Variants in TWSG1 observed in about 807,000 individuals in gnomAD.
TWSG1 encodes the protein twisted gastrulation protein homolog 1.
In TWSG1, 15 loss-of-function variants were observed where a neutral mutation model predicts 23.0. That is an observed-to-expected ratio of 0.65 (90% CI 0.44 to 1.00). The LOEUF (loss-of-function observed/expected upper bound fraction) is 1.00, where lower values mean the gene tolerates loss of function less well. Ranked by LOEUF, TWSG1 falls within the 50% of genes least tolerant of loss-of-function variation. The pLI, the probability that TWSG1 is intolerant of heterozygous loss-of-function variation, is 0.00. For missense variants in TWSG1, 242 were observed against 278.7 expected (o/e 0.87, Z 0.94); for synonymous variants, 86 against 92.8 (o/e 0.93, Z 0.42).
intron 3 of TWSG1, among the ~76,000 whole-genome samples, chr18:9,368,589 G>A (rs1209112532): frequency 6.6e-6 from 1 of 151,770 alleles, no homozygotes; most frequent in Non-Finnish European, 1.5e-5. Flanking sequence ...GAGGCAGGTA[G>A]ATCATTTGAG....
At chr18:9,355,079 C>T (rs1598823855) in intron 2 of TWSG1, among the ~76,000 whole-genome samples, 1 of 152,212 alleles carries the variant, frequency 6.6e-6, no homozygotes, top group East Asian at 1.9e-4. Context: ...CCTCAGCCTC[C>T]TGAGTAGCTG....
chr18:9,375,101 A>G lies in TWSG1; in HGVS notation c.223+15030A>G, dbSNP rs571929082. Among the ~76,000 whole-genome samples the G allele has an allele frequency of 1.2e-3, 174 of 146,518 alleles. 2 individuals are homozygous for G. The highest frequency in any genetic ancestry group is 4.2e-3 in the African/African-American group (167 of 39,906). On this transcript the variant is annotated intron_variant, in intron 3 of 4. Transcript: ENST00000262120. ...AGAATGGTGTGAACCCGGGAGGCAGAGCTTGCGGTGAGCCAAGATTGTGCC... is the reference window on the plus strand; with the variant it reads ...AGAATGGTGTGAACCCGGGAGGCAGGGCTTGCGGTGAGCCAAGATTGTGCC...
intron 3 of TWSG1, among the ~76,000 whole-genome samples, chr18:9,370,933 TAAG>T (rs2040602161): frequency 6.6e-6 from 1 of 152,144 alleles, no homozygotes; most frequent in Non-Finnish European, 1.5e-5. Context: ...TTTTTTAAGT[TAAG>T]GAGATTTTTC....
intron 1 of TWSG1, among the ~76,000 whole-genome samples, chr18:9,336,452 A>G (rs776487402): frequency 2.0e-5 from 3 of 151,848 alleles, no homozygotes; most frequent in Non-Finnish European, 4.4e-5. Flanking sequence ...TTTTTAATGC[A>G]ATTAGTAATT....
chr18:9,382,895 C>A (rs12959183), intron 3 of TWSG1, among the ~76,000 whole-genome samples: 7 of 151,136 alleles, frequency 4.6e-5, no homozygotes, highest in Admixed American at 1.3e-4. Context: ...TAACAAGAGG[C>A]TCTCCCCAAC....
At chr18:9,343,014 C>G (rs527332365) in intron 2 of TWSG1, among the ~76,000 whole-genome samples, 1 of 152,144 alleles carries the variant, frequency 6.6e-6, no homozygotes, top group South Asian at 2.1e-4. Context: ...TGATGCCAGT[C>G]TGTTTCTTAT....
Position 9,359,974 on chromosome 18 carries a change from G to A in TWSG1, c.126G>A (p.Glu42=), listed in dbSNP as rs779095460. Residue 42 remains glutamate (E), a splice_region_variant and synonymous_variant, in exon 3 of 5, where the codon GAG becomes GAA. Coordinates refer to ENST00000262120, the MANE Select transcript of TWSG1 (RefSeq NM_020648.6). Reference sequence around the variant, plus strand: ...TTTAACATCTGTCTTGTTTCTAGGAGCTCTGCCAGTGCCGGCCGGGAGAAG... The same window carrying A: ...TTTAACATCTGTCTTGTTTCTAGGAACTCTGCCAGTGCCGGCCGGGAGAAG... ...ASDVSKCLIQ[E]LCQCRPGEGN... 1.2e-6 allele frequency: 2 copies of A among 1,612,932 alleles called. No homozygotes were observed.
At chr18:9,349,199 C>T (rs1209152213) in intron 2 of TWSG1, among the ~76,000 whole-genome samples, 1 of 152,108 alleles carries the variant, frequency 6.6e-6, no homozygotes, top group Non-Finnish European at 1.5e-5. Flanking sequence ...TTACTACTTT[C>T]CCCTGCTGCT....
At chr18:9,377,233 T>G (rs79717225) in intron 3 of TWSG1, among the ~76,000 whole-genome samples, 43,854 of 151,110 alleles carry the variant, frequency 0.29, 6,614 homozygotes, top group Middle Eastern at 0.4. Flanking sequence ...TTTTTTTTTT[T>G]GGGGGGACAG....
chr18:9,356,829 T>C (rs1424817687), intron 2 of TWSG1, among the ~76,000 whole-genome samples: 2 of 152,048 alleles, frequency 1.3e-5, no homozygotes, highest in African/African-American at 4.8e-5. Context: ...CAAAACACTT[T>C]TGGTACCCAG....
At chr18:9,379,147 T>G (rs1169260084) in intron 3 of TWSG1, among the ~76,000 whole-genome samples, 4 of 152,182 alleles carry the variant, frequency 2.6e-5, no homozygotes, top group African/African-American at 9.7e-5. Context: ...AGAACTACCA[T>G]TTGACCCAGC....
chr18:9,358,343 T>C (rs985499227), intron 2 of TWSG1, among the ~76,000 whole-genome samples: 2 of 152,162 alleles, frequency 1.3e-5, no homozygotes, highest in African/African-American at 4.8e-5. Flanking sequence ...AGATTGACAA[T>C]TATCTGTGTC....
chr18:9,373,883 A>T (rs2040617159), intron 3 of TWSG1, among the ~76,000 whole-genome samples: 1 of 152,232 alleles, frequency 6.6e-6, no homozygotes, highest in African/African-American at 2.4e-5. Flanking sequence ...GGAATTAAAT[A>T]AAAAATCAAT....
At chr18:9,339,418 C>A (rs969221000) in intron 2 of TWSG1, among the ~76,000 whole-genome samples, 1 of 152,090 alleles carries the variant, frequency 6.6e-6, no homozygotes, top group Non-Finnish European at 1.5e-5. Flanking sequence ...GTAGCTGGGA[C>A]TACAGGCACG....
At chr18:9,346,349 C>T (rs908410549) in intron 2 of TWSG1, among the ~76,000 whole-genome samples, 1 of 152,096 alleles carries the variant, frequency 6.6e-6, no homozygotes. Flanking sequence ...CTTATTATTA[C>T]CTAATAATAT....
At chr18:9,353,440 T>C (rs2040510938) in intron 2 of TWSG1, among the ~76,000 whole-genome samples, 1 of 152,242 alleles carries the variant, frequency 6.6e-6, no homozygotes, top group Non-Finnish European at 1.5e-5. Flanking sequence ...TCATTTCATA[T>C]AAGCTTTGAA....
At chr18:9,346,248 G>A (rs1034729142) in intron 2 of TWSG1, among the ~76,000 whole-genome samples, 1 of 152,072 alleles carries the variant, frequency 6.6e-6, no homozygotes, top group African/African-American at 2.4e-5. Flanking sequence ...ACAGAATGTA[G>A]CCTTTTAAAA....
Position 9,401,032 on chromosome 18 carries a change from A to G in TWSG1, c.*1505A>G, listed in dbSNP as rs572768830. On this transcript the variant is annotated 3_prime_UTR_variant, in exon 5 of 5. Transcript: ENST00000262120. ...TCATGATCTGAATAGTAGTTAGTTAAAAGATCATTTGTAATATTATGATCA... is the reference window on the plus strand; with the variant it reads ...TCATGATCTGAATAGTAGTTAGTTAGAAGATCATTTGTAATATTATGATCA... 160 of 152,346 alleles carry G rather than the reference A, an allele frequency of 1.1e-3. 1 individual carries two copies. The highest frequency in any genetic ancestry group is 3.7e-3 in the African/African-American group (153 of 41,582). 9.4% of individuals were successfully genotyped at this position (152,346 alleles called of 1,614,324 possible). A position where few individuals can be genotyped will look rare whatever the true frequency, so the allele number is the denominator to read the frequency against.
chr18:9,374,354 A>G (rs942115235), intron 3 of TWSG1, among the ~76,000 whole-genome samples: 6 of 152,218 alleles, frequency 3.9e-5, no homozygotes, highest in Admixed American at 2.6e-4. Context: ...GAACATCACT[A>G]TAGATCCTAT....
Sources: gnomAD v4.1 joint callset for allele counts (sites outside exome capture counted in the v4.1 genomes callset) on GRCh38, gnomAD v4.1.1 for gene constraint, MANE v1.5 for transcripts, NCBI Gene and HGNC (gene_info 2026-07-23, HGNC 2026-07-21) for gene names.